THSD7A: variants seen among roughly 807,000 people sequenced by gnomAD.
THSD7A encodes the protein thrombospondin type-1 domain-containing protein 7A.
In THSD7A, 96 loss-of-function variants were observed where a neutral mutation model predicts 231.3. The ratio of observed to expected loss-of-function variants is 0.41; its 90% CI spans 0.35 to 0.49. THSD7A has a LOEUF of 0.49. Ranked by LOEUF, THSD7A falls within the 20% of genes least tolerant of loss-of-function variation. The probability of loss-of-function intolerance (pLI) is 0.05; values close to 1 mark genes in which losing one functional copy is unlikely to be tolerated. For missense variants in THSD7A, 2,290 were observed against 2,070.2 expected (o/e 1.11, Z -2.06); for synonymous variants, 940 against 743.3 (o/e 1.26, Z -4.30).
At chr7:11,825,773 A>G (rs1452130115) in intron 1 of THSD7A, among the ~76,000 whole-genome samples, 1 of 152,196 alleles carries the variant, frequency 6.6e-6, no homozygotes, top group Non-Finnish European at 1.5e-5. Flanking sequence ...AGTATTTTCC[A>G]TCCATGATGC....
chr7:11,548,548 CACA>C (rs1165949069), intron 4 of THSD7A, among the ~76,000 whole-genome samples: 4 of 151,888 alleles, frequency 2.6e-5, no homozygotes, highest in African/African-American at 7.3e-5. Flanking sequence ...CTGGCAGAGA[CACA>C]ACAACAAAAA....
intron 23 of THSD7A, among the ~76,000 whole-genome samples, chr7:11,393,875 T>C (rs1033316060): frequency 2.6e-5 from 4 of 151,928 alleles, no homozygotes; most frequent in African/African-American, 9.7e-5. Context: ...GTGAAAAGAC[T>C]AAATCTGCCT....
chr7:11,712,835 A>T (rs535346770), intron 1 of THSD7A, among the ~76,000 whole-genome samples: 2 of 151,232 alleles, frequency 1.3e-5, no homozygotes, highest in East Asian at 3.9e-4. Context: ...ATTTTCTGAC[A>T]AGTTTTCTTA....
intron 23 of THSD7A, among the ~76,000 whole-genome samples, chr7:11,392,787 C>G (rs568119912): frequency 1.3e-5 from 2 of 152,324 alleles, no homozygotes; most frequent in Non-Finnish European, 2.9e-5. Flanking sequence ...CTGGGCAGAG[C>G]CCACCACAGC....
intron 6 of THSD7A, among the ~76,000 whole-genome samples, chr7:11,518,413 C>G (rs1788123218): frequency 6.6e-6 from 1 of 152,054 alleles, no homozygotes; most frequent in Non-Finnish European, 1.5e-5. Context: ...AGAGTGTACT[C>G]TAAGTTTGTA....
chr7:11,445,684 G>A (rs1299695473), intron 13 of THSD7A, among the ~76,000 whole-genome samples: 3 of 152,038 alleles, frequency 2.0e-5, no homozygotes, highest in Non-Finnish European at 4.4e-5. Flanking sequence ...ATCTCAAACT[G>A]ATTCAAATCT....
At chr7:11,610,110 T>G (rs1780872050) in intron 2 of THSD7A, among the ~76,000 whole-genome samples, 1 of 152,122 alleles carries the variant, frequency 6.6e-6, no homozygotes. Context: ...TATAAATATT[T>G]TAAGATATTA....
chr7:11,424,555 A>G, intron 16 of THSD7A, 141 bp downstream of exon 16: 1 of 1,146,948 alleles, frequency 8.7e-7, no homozygotes, highest in Non-Finnish European at 1.2e-6. Context: ...AGAGTTTTCT[A>G]TGAGCACAGA....
intron 6 of THSD7A, among the ~76,000 whole-genome samples, chr7:11,540,675 G>T (rs1789108027): frequency 1.3e-5 from 2 of 152,160 alleles, no homozygotes; most frequent in Non-Finnish European, 2.9e-5. Flanking sequence ...ACTCAGGGAT[G>T]ACTTAGAGGT....
intron 4 of THSD7A, among the ~76,000 whole-genome samples, chr7:11,572,824 AC>A (rs1236826986): frequency 6.6e-6 from 1 of 152,106 alleles, no homozygotes; most frequent in Non-Finnish European, 1.5e-5. Context: ...ATCTCATGAT[AC>A]GTTTCTTCTG....
intron 1 of THSD7A, among the ~76,000 whole-genome samples, chr7:11,769,132 TATATA>T (rs1783129088): frequency 4.8e-5 from 2 of 41,990 alleles, no homozygotes; most frequent in Non-Finnish European, 1.1e-4. Context: ...AATATATATA[TATATA>T]TATATATATA....
chr7:11,660,414 T>A, intron 1 of THSD7A, among the ~76,000 whole-genome samples: 1 of 151,604 alleles, frequency 6.6e-6, no homozygotes, highest in East Asian at 1.9e-4. Flanking sequence ...AAGATAAACA[T>A]TACAAACAAA....
At chr7:11,775,610 C>T (rs1183258604) in intron 1 of THSD7A, among the ~76,000 whole-genome samples, 1 of 152,120 alleles carries the variant, frequency 6.6e-6, no homozygotes, top group South Asian at 2.1e-4. Context: ...TGCATGATTT[C>T]ACTTATATGA....
intron 6 of THSD7A, among the ~76,000 whole-genome samples, chr7:11,533,376 G>A (rs1046804827): frequency 2.0e-5 from 3 of 152,130 alleles, no homozygotes; most frequent in African/African-American, 7.2e-5. Flanking sequence ...ACGATTCCCA[G>A]AGAACAAAAG....
At chr7:11,717,634 A>G (rs1294276709) in intron 1 of THSD7A, among the ~76,000 whole-genome samples, 1 of 151,604 alleles carries the variant, frequency 6.6e-6, no homozygotes, top group Non-Finnish European at 1.5e-5. Context: ...CACTACTAGG[A>G]GAATATATCT....
Position 11,383,458 on chromosome 7 carries a change from A to G in THSD7A, c.4412-842T>C, listed in dbSNP as rs571396167. ...TGGTGCTTCTTTAAATTACATATCT[A>G]GAAGGGAAATTTCTTGGTATCACTG... On this transcript the variant is annotated intron_variant, in intron 23 of 27. Transcript: ENST00000423059. 1.1e-3 allele frequency among the ~76,000 whole-genome samples: 168 copies of G among 152,114 alleles called. 1 individual carries two copies. Among genetic ancestry groups the G allele is most frequent in the African/African-American group, 3.9e-3 (164 of 41,556 alleles).
rs1427128071 is a variant in THSD7A, at chr7:11,474,579, G to T, written c.2018-11C>A. ...GACAGCGAATTCCACCTAAAAACAT[G>T]GACAATGATAGCAAATTAGATACGG... is the stretch of plus-strand genomic sequence containing the variant. On this transcript the variant is annotated splice_polypyrimidine_tract_variant and intron_variant, in intron 7 of 27. Coordinates refer to ENST00000423059, the MANE Select transcript of THSD7A (RefSeq NM_015204.3). This position sits in a 1 kb window ranked among gnomAD's most constrained non-coding sequence, Gnocchi z 4.1. 2 of 1,579,198 alleles carry T rather than the reference G, an allele frequency of 1.3e-6. No homozygotes were observed. Among genetic ancestry groups the T allele is most frequent in the South Asian group, 2.3e-5 (2 of 88,452 alleles).
chr7:11,515,510 T>G (rs1433081951), intron 6 of THSD7A, among the ~76,000 whole-genome samples: 1 of 152,136 alleles, frequency 6.6e-6, no homozygotes, highest in Non-Finnish European at 1.5e-5. Context: ...CAACAATTAA[T>G]TATGATCTAT....
chr7:11,671,730 T>G (rs1348467272), intron 1 of THSD7A, among the ~76,000 whole-genome samples: 1 of 152,144 alleles, frequency 6.6e-6, no homozygotes, highest in Non-Finnish European at 1.5e-5. Context: ...TATCATGAAA[T>G]CTTTCTAGGG....
Sources: gnomAD v4.1 joint callset for allele counts (sites outside exome capture counted in the v4.1 genomes callset) on GRCh38, gnomAD v4.1.1 for gene constraint, Gnocchi (gnomAD v3.1) non-coding constraint, MANE v1.5 for transcripts, NCBI Gene and HGNC (gene_info 2026-07-23, HGNC 2026-07-21) for gene names.